The following KCNH1 variants were observed in gnomAD, a reference collection of about 807,000 sequenced individuals.
KCNH1 encodes voltage-gated delayed rectifier potassium channel KCNH1.
Under a neutral mutation model 69.2 loss-of-function variants are expected in KCNH1, and 27 were observed. That is an observed-to-expected ratio of 0.39 (90% CI 0.29 to 0.54). The LOEUF is 0.54. Among genes scored for constraint, KCNH1 ranks in the 20% least tolerant of loss-of-function variants. KCNH1 has a pLI of 0.68. For synonymous variants in KCNH1, 456 were observed against 487.7 expected (o/e 0.93, Z 0.86); for missense variants, 798 against 1,261.6 (o/e 0.63, Z 5.57).
chr1:211,105,032 T>G (rs1691326843), intron 2 of KCNH1, among the ~76,000 whole-genome samples: 2 of 152,214 alleles, frequency 1.3e-5, no homozygotes, highest in African/African-American at 4.8e-5. Context: ...CTGTTGACTT[T>G]GTGAATTCCG....
intron 6 of KCNH1, among the ~76,000 whole-genome samples, chr1:210,938,712 C>T (rs747116309): frequency 4.6e-5 from 7 of 152,224 alleles, no homozygotes; most frequent in Non-Finnish European, 1.0e-4. Flanking sequence ...GCCTGGAAAA[C>T]TCCTACCCAT....
chr1:210,971,365 T>C (rs1688508817), intron 6 of KCNH1, among the ~76,000 whole-genome samples: 1 of 152,186 alleles, frequency 6.6e-6, no homozygotes, highest in Admixed American at 6.6e-5. Flanking sequence ...GTTGAGTCCA[T>C]TCACACTAGC....
intron 10 of KCNH1, among the ~76,000 whole-genome samples, chr1:210,715,530 A>T (rs1682207929): frequency 2.6e-5 from 4 of 152,076 alleles, no homozygotes; most frequent in Middle Eastern, 3.4e-3. Context: ...AAAAAAAAAA[A>T]ACGTAATGGG....
Position 211,019,169 on chromosome 1 carries a change from A to G in KCNH1, c.646T>C (p.Phe216Leu). ...PPHIILHYCV[F>L]KTTWDWIILI... Reference sequence around the variant, plus strand: ...ATGATCCAATCCCACGTGGTCTTAAAAACACAATAATGTAAGATGATGTGA... The same window carrying G: ...ATGATCCAATCCCACGTGGTCTTAAGAACACAATAATGTAAGATGATGTGA... Residue 216 changes from phenylalanine (F) to leucine (L), a missense_variant, in exon 6 of 11, where the codon TTT (phenylalanine) becomes CTT (leucine). By Grantham distance (22) the Phe-to-Leu change is conservative (BLOSUM62 0). Coordinates refer to ENST00000271751, the MANE Select transcript of KCNH1 (RefSeq NM_172362.3). The G allele has an allele frequency of 6.2e-7, 1 of 1,613,992 alleles. No individual in the cohort carries two copies. Among genetic ancestry groups the G allele is most frequent in the Non-Finnish European group, 8.5e-7 (1 of 1,179,946 alleles).
chr1:210,890,710 C>T (rs187536206), intron 7 of KCNH1, among the ~76,000 whole-genome samples: 168 of 151,448 alleles, frequency 1.1e-3, no homozygotes, highest in Middle Eastern at 3.4e-3. Context: ...AAAAAAAAAC[C>T]CCATCAAAAA....
intron 6 of KCNH1, among the ~76,000 whole-genome samples, chr1:210,941,990 T>C (rs944371022): frequency 6.6e-6 from 1 of 152,174 alleles, no homozygotes; most frequent in Non-Finnish European, 1.5e-5. Flanking sequence ...TTCCATTCCA[T>C]GAAGCAACTG....
At chr1:210,890,535 T>C (rs535382922) in intron 7 of KCNH1, among the ~76,000 whole-genome samples, 112 of 152,114 alleles carry the variant, frequency 7.4e-4, no homozygotes, top group African/African-American at 2.6e-3. Flanking sequence ...AAAGCCAAAA[T>C]TGACAAATGG....
chr1:210,840,553 C>T, intron 7 of KCNH1, among the ~76,000 whole-genome samples: 1 of 152,142 alleles, frequency 6.6e-6, no homozygotes, highest in East Asian at 1.9e-4. Flanking sequence ...TGGATCCCAT[C>T]AGGAGAGGGC....
chr1:210,730,158 T>C (rs1305614407), intron 10 of KCNH1, among the ~76,000 whole-genome samples: 1 of 152,212 alleles, frequency 6.6e-6, no homozygotes, highest in Non-Finnish European at 1.5e-5. Flanking sequence ...CTAAGGACAG[T>C]GCCTGGCCCA....
At chr1:210,873,624 C>G (rs1011654833) in intron 7 of KCNH1, among the ~76,000 whole-genome samples, 1 of 152,128 alleles carries the variant, frequency 6.6e-6, no homozygotes, top group Non-Finnish European at 1.5e-5. Context: ...CTCAGCCCCC[C>G]AAAGTTCTGG....
intron 6 of KCNH1, among the ~76,000 whole-genome samples, chr1:210,985,141 T>C (rs1360499001): frequency 3.9e-5 from 6 of 152,204 alleles, no homozygotes; most frequent in South Asian, 2.1e-4. Context: ...CCCTTTATCA[T>C]TTTTTATTGC....
At chr1:211,041,789 C>T (rs1482588864) in intron 5 of KCNH1, among the ~76,000 whole-genome samples, 1 of 152,120 alleles carries the variant, frequency 6.6e-6, no homozygotes, top group African/African-American at 2.4e-5. Flanking sequence ...GAGTTTCACT[C>T]TGTGGCCGAG....
chr1:211,071,173 G>C (rs1690636134), intron 5 of KCNH1, among the ~76,000 whole-genome samples: 2 of 152,176 alleles, frequency 1.3e-5, no homozygotes, highest in South Asian at 2.1e-4. Flanking sequence ...TATATCATCT[G>C]TTTCCAATAT....
intron 7 of KCNH1, among the ~76,000 whole-genome samples, chr1:210,872,826 G>T (rs1355741413): frequency 6.6e-6 from 1 of 152,122 alleles, no homozygotes; most frequent in African/African-American, 2.4e-5. Context: ...CAATAGTGGG[G>T]ATTATCATTA....
At chr1:210,717,152 C>CTTAT (rs1057344060) in intron 10 of KCNH1, among the ~76,000 whole-genome samples, 12 of 152,288 alleles carry the variant, frequency 7.9e-5, no homozygotes, top group African/African-American at 2.9e-4. Context: ...AAAAGCTGCC[C>CTTAT]TTATTTGCCA....
intron 7 of KCNH1, among the ~76,000 whole-genome samples, chr1:210,844,048 C>T (rs1019450406): frequency 3.9e-5 from 6 of 152,156 alleles, no homozygotes; most frequent in African/African-American, 1.4e-4. Context: ...TCAATACCCT[C>T]CAGCAGCAAC....
chr1:211,116,879 T>A (rs1349177656), intron 1 of KCNH1, among the ~76,000 whole-genome samples: 1 of 152,144 alleles, frequency 6.6e-6, no homozygotes, highest in Non-Finnish European at 1.5e-5. Context: ...ACCACTATCT[T>A]CTCTAATCCA....
chr1:210,724,149 G>GA lies in KCNH1; in HGVS notation c.2113-40012dup, dbSNP rs1484040093. Among the ~76,000 whole-genome samples, 5 of 152,148 alleles carry GA rather than the reference G, an allele frequency of 3.3e-5. No homozygotes were observed. In the East Asian group the frequency reaches 5.8e-4, roughly 18 times the overall value. ...ATATTAATTCCCAATTTTCAGGCAA[G>GA]AAAAAATAAGACCCAGAGAAGTCCA... is the stretch of plus-strand genomic sequence containing the variant. On this transcript the variant is annotated intron_variant, in intron 10 of 10. Coordinates refer to ENST00000271751, the MANE Select transcript of KCNH1 (RefSeq NM_172362.3).
intron 10 of KCNH1, among the ~76,000 whole-genome samples, chr1:210,700,884 T>A (rs948086726): frequency 1.3e-5 from 2 of 152,134 alleles, no homozygotes; most frequent in African/African-American, 4.8e-5. Context: ...ACTTTAATGA[T>A]CAAATTTTTC....
Sources: allele counts gnomAD v4.1 joint callset (sites outside exome capture counted in the v4.1 genomes callset), GRCh38; gene constraint gnomAD v4.1.1; transcripts MANE v1.5; gene names NCBI Gene and HGNC (gene_info 2026-07-23, HGNC 2026-07-21).